The following DCUN1D4 variants were observed in gnomAD, a reference collection of about 807,000 sequenced individuals.
DCUN1D4 encodes the protein defective in cullin neddylation 1 domain containing 4.
In DCUN1D4, 22 loss-of-function variants were observed where a neutral mutation model predicts 47.9. That is an observed-to-expected ratio of 0.46 (90% CI 0.33 to 0.66). The LOEUF (loss-of-function observed/expected upper bound fraction) is 0.66, where lower values mean the gene tolerates loss of function less well. DCUN1D4 is among the 30% of genes least tolerant of loss of function. The probability of loss-of-function intolerance (pLI) is 0.02; values close to 1 mark genes in which losing one functional copy is unlikely to be tolerated. For synonymous variants in DCUN1D4, 121 were observed against 112.2 expected (o/e 1.08, Z -0.50); for missense variants, 301 against 340.8 (o/e 0.88, Z 0.92).
chr4:51,872,827 G>A (rs1727104128), intron 3 of DCUN1D4, among the ~76,000 whole-genome samples: 1 of 152,210 alleles, frequency 6.6e-6, no homozygotes, highest in Non-Finnish European at 1.5e-5. Flanking sequence ...ACATGCTGGT[G>A]AATAGTGTCC....
chr4:51,842,403 G>A (rs901230261), upstream of DCUN1D4, among the ~76,000 whole-genome samples: 1 of 152,204 alleles, frequency 6.6e-6, no homozygotes, highest in African/African-American at 2.4e-5. Context: ...AGTGACTAGA[G>A]GAAAGAAGTG....
rs1299565215 is a variant in DCUN1D4, at chr4:51,880,925, G to A, written c.343+3071G>A. 2.0e-4 allele frequency among the ~76,000 whole-genome samples: 31 copies of A among 152,068 alleles called. 1 individual carries two copies. The highest frequency in any genetic ancestry group is 1.7e-3 in the Admixed American group (26 of 15,266). ...GGGTGGATCATGAGATCAGGAGATC[G>A]AGACTATCCTGGCTAACACGGTGAA... On this transcript the variant is annotated intron_variant, in intron 5 of 10. Transcript: ENST00000334635.
intron 1 of DCUN1D4, among the ~76,000 whole-genome samples, chr4:51,849,086 A>G (rs1159243382): frequency 2.0e-5 from 3 of 152,054 alleles, no homozygotes; most frequent in South Asian, 2.1e-4. Flanking sequence ...GGCCTCCTCC[A>G]TATTAGTTTA....
Position 51,845,584 on chromosome 4 carries a change from CTTTACTG to C in DCUN1D4, c.25+2323_25+2329del, listed in dbSNP as rs199894510. Reference sequence around the variant, plus strand: ...AAACGTCACATCCTTCACCAGTTCCCTTTACTGTTTACAGGGAAGGGACTCCAGAATC... The same window carrying C: ...AAACGTCACATCCTTCACCAGTTCCCTTTACAGGGAAGGGACTCCAGAATC... On this transcript the variant is annotated intron_variant, in intron 1 of 10. Transcript: ENST00000334635. Among the ~76,000 whole-genome samples the C allele has an allele frequency of 3.3e-5, 5 of 152,288 alleles. No homozygotes were observed. In the East Asian group the frequency reaches 7.7e-4, roughly 24 times the overall value.
chr4:51,872,554 T>C (rs964783718), intron 3 of DCUN1D4, among the ~76,000 whole-genome samples: 1 of 152,192 alleles, frequency 6.6e-6, no homozygotes, highest in Admixed American at 6.5e-5. Context: ...CAAAGCATGC[T>C]CTCCTCCTTT....
chr4:51,880,325 G>T (rs1728391558), intron 5 of DCUN1D4, among the ~76,000 whole-genome samples: 1 of 152,198 alleles, frequency 6.6e-6, no homozygotes, highest in Non-Finnish European at 1.5e-5. Flanking sequence ...ATGAAATTGA[G>T]CCATGTTCAT....
chr4:51,888,750 T>G (rs1729950443), intron 6 of DCUN1D4, among the ~76,000 whole-genome samples: 1 of 151,070 alleles, frequency 6.6e-6, no homozygotes, highest in Non-Finnish European at 1.5e-5. Context: ...AAAACTCCAT[T>G]TCTGTAGGAA....
chr4:51,884,620 A>G (rs1381675962), intron 5 of DCUN1D4: 1 of 152,196 alleles, frequency 6.6e-6, no homozygotes, highest in Non-Finnish European at 1.5e-5. Flanking sequence ...TCTATGCCAG[A>G]TAGTATGCTG....
At chr4:51,895,868 A>G (rs569908668) in intron 7 of DCUN1D4, among the ~76,000 whole-genome samples, 16 of 152,272 alleles carry the variant, frequency 1.1e-4, no homozygotes, top group South Asian at 2.1e-4. Flanking sequence ...TATACATGGT[A>G]CACAGAAACA....
At chr4:51,844,660 C>T (rs925608633) in intron 1 of DCUN1D4, among the ~76,000 whole-genome samples, 3 of 151,630 alleles carry the variant, frequency 2.0e-5, no homozygotes, top group Admixed American at 6.6e-5. Context: ...TAGGCCGCGC[C>T]CCACGCCCGG....
At chr4:51,910,984 C>T in intron 8 of DCUN1D4, 86 bp from the exon 9 acceptor site, 25 of 1,304,418 alleles carry the variant, frequency 1.9e-5, no homozygotes, top group Non-Finnish European at 2.7e-5. Flanking sequence ...TTACTAATTT[C>T]CTGTTGAAGT....
In DCUN1D4 at chr4:51,873,082, G is replaced by A. The variant is rs550121476; in HGVS notation, c.137-1189G>A. Among the ~76,000 whole-genome samples, 26 of 152,266 alleles carry A rather than the reference G, an allele frequency of 1.7e-4. 3 individuals carry two copies. The highest frequency in any genetic ancestry group is 6.0e-4 in the African/African-American group (25 of 41,548). ...GGTTAGTGACTGATAGAACCACATAGGTGAAGAACTGGAACTCACTCATTG... is the reference window on the plus strand; with the variant it reads ...GGTTAGTGACTGATAGAACCACATAAGTGAAGAACTGGAACTCACTCATTG... On this transcript the variant is annotated intron_variant, in intron 3 of 10. Coordinates refer to ENST00000334635, the MANE Select transcript of DCUN1D4 (RefSeq NM_001040402.3).
chr4:51,881,610 A>G (rs1057317818), intron 5 of DCUN1D4, among the ~76,000 whole-genome samples: 2 of 150,324 alleles, frequency 1.3e-5, no homozygotes, highest in Admixed American at 1.3e-4. Context: ...ATGTACCTCC[A>G]GTATCTTGTC....
chr4:51,913,493 T>A (rs1210142498), intron 10 of DCUN1D4, 36 bp from the exon 11 acceptor site: 2 of 1,580,608 alleles, frequency 1.3e-6, no homozygotes, highest in Non-Finnish European at 1.7e-6. Flanking sequence ...TTGTTATTAT[T>A]ATTATTATTA....
Position 51,896,775 on chromosome 4 carries a change from T to C in DCUN1D4, c.507-2495T>C, listed in dbSNP as rs372988121. Among the ~76,000 whole-genome samples the C allele has an allele frequency of 2.6e-5, 4 of 152,144 alleles. No individual in the cohort carries two copies. The East Asian group carries it at 7.7e-4, about 29-fold the overall frequency. On this transcript the variant is annotated intron_variant, in intron 7 of 10. Transcript: ENST00000334635. ...CAATATCTCTTTTCCTTCCCACCAGTCCTTCTCCATGGAGATCAAGAGTGA... is the reference window on the plus strand; with the variant it reads ...CAATATCTCTTTTCCTTCCCACCAGCCCTTCTCCATGGAGATCAAGAGTGA...
the DCUN1D4 span, among the ~76,000 whole-genome samples, chr4:51,837,654 C>CAAAAAAAAAAAAAAAA: frequency 2.4e-4 from 11 of 46,190 alleles, no homozygotes; most frequent in African/African-American, 6.7e-4. Context: ...GACTCCGTCT[C>CAAAAAAAAAAAAAAAA]AAAAAAAAAA....
At chr4:51,840,251 C>T (rs1553913678), upstream of DCUN1D4, among the ~76,000 whole-genome samples, 1 of 150,134 alleles carries the variant, frequency 6.7e-6, no homozygotes. Flanking sequence ...TTTGGGAATA[C>T]TACAAATGAG....
At chr4:51,893,032 T>TTG (rs1730689035) in intron 7 of DCUN1D4, among the ~76,000 whole-genome samples, 1 of 152,234 alleles carries the variant, frequency 6.6e-6, no homozygotes, top group African/African-American at 2.4e-5. Flanking sequence ...ATTCTCCCAT[T>TTG]TGAATGCCTC....
At chr4:51,843,524 G>A in intron 1 of DCUN1D4, 1 of 1,294,786 alleles carries the variant, frequency 7.7e-7, no homozygotes, top group Non-Finnish European at 9.7e-7. Context: ...CTCTCTTTCA[G>A]TGTTGGGGGA....
Sources: allele counts gnomAD v4.1 joint callset (sites outside exome capture counted in the v4.1 genomes callset), GRCh38; gene constraint gnomAD v4.1.1; transcripts MANE v1.5; gene names NCBI Gene and HGNC (gene_info 2026-07-23, HGNC 2026-07-21).